The following ST6GALNAC3 variants were observed in gnomAD, a reference collection of about 807,000 sequenced individuals.
ST6GALNAC3 encodes the protein alpha-N-acetylgalactosaminide alpha-2,6-sialyltransferase 3.
In ST6GALNAC3, 25 loss-of-function variants were observed where a neutral mutation model predicts 32.7. The observed-to-expected ratio is 0.76, with a 90% confidence interval of 0.56 to 1.07. ST6GALNAC3 has a LOEUF of 1.07. Ranked by LOEUF, ST6GALNAC3 falls within the 50% of genes least tolerant of loss-of-function variation. The pLI is 0.00. For synonymous variants in ST6GALNAC3, 129 were observed against 133.1 expected (o/e 0.97, Z 0.21); for missense variants, 355 against 382.4 (o/e 0.93, Z 0.60).
intron 1 of ST6GALNAC3, among the ~76,000 whole-genome samples, chr1:76,312,891 C>T (rs933587394): frequency 1.3e-5 from 2 of 152,180 alleles, no homozygotes; most frequent in Non-Finnish European, 2.9e-5. Context: ...CTCTGGAAAG[C>T]TCTGTTCACA....
At chr1:76,622,272 G>A (rs973518851) in intron 3 of ST6GALNAC3, among the ~76,000 whole-genome samples, 1 of 151,912 alleles carries the variant, frequency 6.6e-6, no homozygotes, top group African/African-American at 2.4e-5. Flanking sequence ...ATTCCTAATT[G>A]TACATTCCCC....
intron 3 of ST6GALNAC3, among the ~76,000 whole-genome samples, chr1:76,626,177 A>G (rs1648956554): frequency 6.6e-6 from 1 of 151,892 alleles, no homozygotes; most frequent in African/African-American, 2.4e-5. Context: ...CATCAACAAT[A>G]TTGAGCATCA....
intron 3 of ST6GALNAC3, among the ~76,000 whole-genome samples, chr1:76,508,487 C>T (rs1661620847): frequency 6.6e-6 from 1 of 152,098 alleles, no homozygotes; most frequent in Admixed American, 6.5e-5. Flanking sequence ...GACAGGACAG[C>T]TCCCAGAGTC....
chr1:76,488,285 C>T (rs1161147745), intron 3 of ST6GALNAC3, among the ~76,000 whole-genome samples: 1 of 152,106 alleles, frequency 6.6e-6, no homozygotes, highest in Non-Finnish European at 1.5e-5. Context: ...CCCACTCTCT[C>T]TCATTTGCTC....
At chr1:76,337,641 C>T (rs937160453) in intron 2 of ST6GALNAC3, among the ~76,000 whole-genome samples, 1 of 152,102 alleles carries the variant, frequency 6.6e-6, no homozygotes, top group Non-Finnish European at 1.5e-5. Context: ...AATCCCCTGG[C>T]CCAGTCCAGA....
At chr1:76,485,689 AT>A (rs918543419) in intron 3 of ST6GALNAC3, among the ~76,000 whole-genome samples, 3 of 152,050 alleles carry the variant, frequency 2.0e-5, no homozygotes, top group African/African-American at 7.2e-5. Context: ...GGATTCATTG[AT>A]TTTTTTGAAG....
At chr1:76,603,653 C>A (rs1282617046) in intron 3 of ST6GALNAC3, among the ~76,000 whole-genome samples, 1 of 152,128 alleles carries the variant, frequency 6.6e-6, no homozygotes, top group Non-Finnish European at 1.5e-5. Flanking sequence ...ATGGACAATG[C>A]TCTGTCTGTT....
intron 1 of ST6GALNAC3, among the ~76,000 whole-genome samples, chr1:76,277,744 C>G (rs1398901139): frequency 6.6e-6 from 1 of 151,910 alleles, no homozygotes; most frequent in Non-Finnish European, 1.5e-5. Flanking sequence ...TAATAATTGT[C>G]TCAGCATCAT....
chr1:76,264,088 A>T (rs1257410021), intron 1 of ST6GALNAC3, among the ~76,000 whole-genome samples: 1 of 152,160 alleles, frequency 6.6e-6, no homozygotes, highest in African/African-American at 2.4e-5. Context: ...GTCTACTCAT[A>T]CAGCTGGAAG....
chr1:76,159,969 G>T (rs1651712401), intron 1 of ST6GALNAC3, among the ~76,000 whole-genome samples: 1 of 152,180 alleles, frequency 6.6e-6, no homozygotes, highest in African/African-American at 2.4e-5. Context: ...TTAAGTTCCA[G>T]AGCCTGCCCT....
chr1:76,245,880 T>G (rs1365127622), intron 1 of ST6GALNAC3, among the ~76,000 whole-genome samples: 6 of 152,228 alleles, frequency 3.9e-5, no homozygotes. Context: ...GAATGTATAT[T>G]CTGCTGATTT....
At chr1:76,447,305 G>T (rs1355824683) in intron 3 of ST6GALNAC3, among the ~76,000 whole-genome samples, 2 of 152,184 alleles carry the variant, frequency 1.3e-5, no homozygotes, top group Admixed American at 6.5e-5. Flanking sequence ...GCATCTGGCA[G>T]AAGAAATTTC....
chr1:76,083,443 G>C (rs1646925242), intron 1 of ST6GALNAC3, among the ~76,000 whole-genome samples: 1 of 152,256 alleles, frequency 6.6e-6, no homozygotes, highest in Non-Finnish European at 1.5e-5. Flanking sequence ...TACCAGAGAA[G>C]AGACACGAGA....
At chr1:76,484,395 C>T (rs1398794705) in intron 3 of ST6GALNAC3, among the ~76,000 whole-genome samples, 4 of 150,486 alleles carry the variant, frequency 2.7e-5, no homozygotes, top group Admixed American at 6.6e-5. Context: ...TCTTTTATTT[C>T]GTTGAGCAGT....
At chr1:76,210,369 G>A (rs531909820) in intron 1 of ST6GALNAC3, among the ~76,000 whole-genome samples, 3 of 152,296 alleles carry the variant, frequency 2.0e-5, no homozygotes, top group South Asian at 4.1e-4. Context: ...CTAGTATGCT[G>A]AAGTTATAGT....
chr1:76,377,359 T>G (rs1337813003), intron 2 of ST6GALNAC3, among the ~76,000 whole-genome samples: 1 of 152,130 alleles, frequency 6.6e-6, no homozygotes, highest in East Asian at 1.9e-4. Flanking sequence ...TTTAATTGAC[T>G]AATGGTTCCA....
chr1:76,231,301 TTTTTTAAAATTTTTTTTTA>T (rs1447712853), intron 1 of ST6GALNAC3, among the ~76,000 whole-genome samples: 3 of 152,096 alleles, frequency 2.0e-5, no homozygotes. Context: ...CAAATGTTTG[TTTTTTAAAATTTTTTTTTA>T]TTATTTTATC....
chr1:76,464,959 C>T (rs114080389), intron 3 of ST6GALNAC3, among the ~76,000 whole-genome samples: 2,105 of 152,174 alleles, frequency 0.014, 46 homozygotes, highest in African/African-American at 0.047. Context: ...TCATGTTTGG[C>T]ATCAGGTTTA....
intron 3 of ST6GALNAC3, among the ~76,000 whole-genome samples, chr1:76,495,203 A>G (rs1000439147): frequency 2.0e-5 from 3 of 152,302 alleles, no homozygotes; most frequent in Middle Eastern, 3.4e-3. Flanking sequence ...AAGTTGACAC[A>G]TAAATTAACC....
Sources: allele counts gnomAD v4.1 joint callset (sites outside exome capture counted in the v4.1 genomes callset), GRCh38; gene constraint gnomAD v4.1.1; transcripts MANE v1.5; gene names NCBI Gene and HGNC (gene_info 2026-07-23, HGNC 2026-07-21).